Variants in CDC25A observed in about 807,000 individuals in gnomAD.
The protein encoded by CDC25A is cell division cycle 25A.
Under a neutral mutation model 64.6 loss-of-function variants are expected in CDC25A, and 17 were observed. That is an observed-to-expected ratio of 0.26 (90% confidence interval 0.18 to 0.39). The LOEUF (loss-of-function observed/expected upper bound fraction) is 0.39, where lower values mean the gene tolerates loss of function less well. CDC25A is among the 10% of genes least tolerant of loss of function. The pLI is 1.00. For missense variants in CDC25A, 473 were observed against 654.8 expected (o/e 0.72, Z 3.03); for synonymous variants, 229 against 238.6 (o/e 0.96, Z 0.37).
Position 48,174,421 on chromosome 3 carries a change from A to G in CDC25A, c.793T>C (p.Cys265Arg). ...RCKLFDSPSL[C>R]SSSTRSVLKR... ...AACACTGACCGAGTGCTGGAGCTAC[A>G]CAGGGAAGGGGAGTCAAACAGCTTG... The change falls in exon 9 of 15, where the codon TGT (cysteine) becomes CGT (arginine). Residue 265 changes from cysteine to arginine, a missense_variant. Around this residue, in one of 2 missense-constraint regions of CDC25A, gnomAD observed 376 missense variants for 431.9 expected, o/e 0.87. Coordinates refer to ENST00000302506, the MANE Select transcript of CDC25A (RefSeq NM_001789.3). 1.9e-6 allele frequency: 3 copies of G among 1,613,894 alleles called. No homozygotes were observed. In the African/African-American group the frequency reaches 4.0e-5, roughly 22 times the overall value.
chr3:48,176,741 T>A (rs1350176029), intron 8 of CDC25A, among the ~76,000 whole-genome samples: 1 of 150,926 alleles, frequency 6.6e-6, no homozygotes, highest in African/African-American at 2.4e-5. Flanking sequence ...GAGGTCGAGG[T>A]GGGCAGATCA....
intron 5 of CDC25A, among the ~76,000 whole-genome samples, chr3:48,182,102 T>TA (rs2032691715): frequency 1.3e-5 from 2 of 152,126 alleles, no homozygotes; most frequent in African/African-American, 4.8e-5. Context: ...TTTGCCCTGG[T>TA]AAAAAGCACT....
At position 48,157,759 on chromosome 3, in the gene CDC25A, CCCT is replaced by C. The variant is rs2106670117; in HGVS notation, c.*1183_*1185del. On this transcript the variant is annotated 3_prime_UTR_variant, in exon 15 of 15. Transcript: ENST00000302506. ...TTTTACCTTCAAAATCCACCAAGCT[CCCT>C]CCTGAGAAAATTCTATCCAGTCATG... 1 of 152,738 alleles carries C rather than the reference CCCT, an allele frequency of 6.5e-6. No homozygotes were observed. The highest frequency in any genetic ancestry group is 6.5e-5 in the Admixed American group (1 of 15,286). The allele number at this position is 152,738 out of a possible 1,614,324, so 9.5% of individuals were successfully genotyped here.
chr3:48,157,307 A>G lies in CDC25A; in HGVS notation c.*1638T>C, dbSNP rs1266749489. 1 of 152,234 alleles carries G rather than the reference A, an allele frequency of 6.6e-6. No homozygotes were observed. The highest frequency in any genetic ancestry group is 1.5e-5 in the Non-Finnish European group (1 of 68,036). 9.4% of individuals were successfully genotyped at this position (152,234 alleles called of 1,614,324 possible). A position where few individuals can be genotyped will look rare whatever the true frequency, so the allele number is the denominator to read the frequency against. On this transcript the variant is annotated 3_prime_UTR_variant, in exon 15 of 15. Coordinates refer to ENST00000302506, the MANE Select transcript of CDC25A (RefSeq NM_001789.3). ...AACCAACAGAATCTCTTTCTTACAA[A>G]CAATATCATTAACCAGTTGGAATCT...
chr3:48,164,480 CATGAAGT>C, intron 12 of CDC25A, 43 bp from the exon 13 acceptor site: 2 of 1,444,330 alleles, frequency 1.4e-6, no homozygotes, highest in Non-Finnish European at 9.1e-7. Context: ...ACGTTTCACA[CATGAAGT>C]AATGATTCAG....
At position 48,158,083 on chromosome 3, in the gene CDC25A, G is replaced by C. The variant is rs907490230; in HGVS notation, c.*862C>G. ...TGGCCCAACAGATGCTGCCTCAAGTGCTTTCCTGACTGTGGCTCCTATACC... is the reference window on the plus strand; with the variant it reads ...TGGCCCAACAGATGCTGCCTCAAGTCCTTTCCTGACTGTGGCTCCTATACC... On this transcript the variant is annotated 3_prime_UTR_variant, in exon 15 of 15. Transcript: ENST00000302506. The C allele has an allele frequency of 1.3e-5, 2 of 152,194 alleles. No individual in the cohort carries two copies. The highest frequency in any genetic ancestry group is 2.9e-5 in the Non-Finnish European group (2 of 67,984). The allele number at this position is 152,194 out of a possible 1,614,324, so 9.4% of individuals were successfully genotyped here.
intron 13 of CDC25A, among the ~76,000 whole-genome samples, chr3:48,162,266 TTGTGTGTGTGTGTGTG>T (rs35591959): frequency 1.4e-5 from 2 of 144,692 alleles, no homozygotes; most frequent in Admixed American, 7.0e-5. Context: ...AGTATAACCT[TTGTGTGTGTGTGTGTG>T]TGTGTGTGTG....
chr3:48,163,767 A>T (rs1051534015), intron 13 of CDC25A, among the ~76,000 whole-genome samples: 2 of 152,170 alleles, frequency 1.3e-5, no homozygotes, highest in Non-Finnish European at 2.9e-5. Context: ...CCTAGCATTT[A>T]TACGGATCCC....
intron 6 of CDC25A, among the ~76,000 whole-genome samples, chr3:48,178,450 C>T (rs920382561): frequency 6.6e-6 from 1 of 152,198 alleles, no homozygotes; most frequent in Non-Finnish European, 1.5e-5. Flanking sequence ...AGGGTAACTT[C>T]CTTCTATAAA....
In CDC25A at chr3:48,177,998, A is replaced by G. The variant is rs766468519; in HGVS notation, c.550-10T>C. The stretch of plus-strand genomic sequence containing the variant: ...TTTCATTTGAGGAAAGCTGTAAGAC[A>G]AAATTCATGGATTAATAATGAGAGC... On this transcript the variant is annotated splice_polypyrimidine_tract_variant and intron_variant, in intron 6 of 14. Coordinates refer to ENST00000302506, the MANE Select transcript of CDC25A (RefSeq NM_001789.3). 6.2e-7 allele frequency: 1 copy of G among 1,602,358 alleles called. No homozygotes were observed.
At position 48,174,274 on chromosome 3, in the gene CDC25A, G is replaced by C. The variant is rs2032373487; in HGVS notation, c.930+10C>G. ...CTGTGCTAGAGCAAAAAGGAACCTA[G>C]GAAACTAACCTCATGGGCCTTCTCT... is the stretch of plus-strand genomic sequence containing the variant. On this transcript the variant is annotated intron_variant, in intron 9 of 14. Transcript: ENST00000302506. The C allele has an allele frequency of 1.2e-6, 2 of 1,600,584 alleles. No homozygotes were observed. The highest frequency in any genetic ancestry group is 1.7e-6 in the Non-Finnish European group (2 of 1,176,186).
intron 13 of CDC25A, among the ~76,000 whole-genome samples, chr3:48,160,363 C>A (rs1234197665): frequency 6.7e-6 from 1 of 150,020 alleles, no homozygotes; most frequent in Non-Finnish European, 1.5e-5. Context: ...CCTGCCTTGG[C>A]CTCCCAAAGT....
At chr3:48,173,470 A>G (rs2032342448) in intron 9 of CDC25A, among the ~76,000 whole-genome samples, 1 of 152,206 alleles carries the variant, frequency 6.6e-6, no homozygotes, top group Non-Finnish European at 1.5e-5. Flanking sequence ...CCCCAAGAAA[A>G]GCCTGCTCTC....
At chr3:48,173,747 G>A (rs769042702) in intron 9 of CDC25A, among the ~76,000 whole-genome samples, 26 of 152,132 alleles carry the variant, frequency 1.7e-4, no homozygotes, top group Non-Finnish European at 2.9e-4. Flanking sequence ...CAGTATCAGA[G>A]GAAGCCTGCT....
Position 48,187,865 on chromosome 3 carries a change from T to C in CDC25A, c.83A>G (p.Lys28Arg), listed in dbSNP as rs2106775266. 2 of 1,548,334 alleles carry C rather than the reference T, an allele frequency of 1.3e-6. No individual in the cohort carries two copies. The highest frequency in any genetic ancestry group is 2.5e-5 in the East Asian group (1 of 40,504). ...GGCGGCTGAAGCGCCAAATAGCGCC[T>C]TCACGACGGGCTGCGACGCGGGAGG... is the stretch of plus-strand genomic sequence containing the variant. ...SPPPASQPVV[K>R]ALFGASAAGG... Residue 28 changes from lysine (K) to arginine (R), a missense_variant, in exon 1 of 15, where the codon AAG (lysine) becomes AGG (arginine). Lys to Arg is a conservative substitution (Grantham distance 26). Around this residue, in one of 2 missense-constraint regions of CDC25A, gnomAD observed 376 missense variants for 431.9 expected, o/e 0.87. Transcript: ENST00000302506.
intron 5 of CDC25A, among the ~76,000 whole-genome samples, chr3:48,181,113 T>A (rs1054409509): frequency 7.9e-5 from 12 of 152,164 alleles, no homozygotes; most frequent in Non-Finnish European, 1.8e-4. Flanking sequence ...ATCACAAACT[T>A]TCTGAAATCT....
At position 48,180,968 on chromosome 3, in the gene CDC25A, A is replaced by G. The variant is rs6763010; in HGVS notation, c.430-128T>C. On this transcript the variant is annotated intron_variant, in intron 5 of 14. Coordinates refer to ENST00000302506, the MANE Select transcript of CDC25A (RefSeq NM_001789.3). ...CAAATTAAAGTTTCACCTAATTCCA[A>G]CAATAGATCTGCGTAACTAAGAATT... is the stretch of plus-strand genomic sequence containing the variant. 5,237 of 775,012 alleles carry G rather than the reference A, an allele frequency of 6.8e-3. 157 individuals carry two copies. In the African/African-American group the frequency reaches 0.07, roughly 10 times the overall value. 48.0% of individuals were successfully genotyped at this position (775,012 alleles called of 1,614,324 possible). A position where few individuals can be genotyped will look rare whatever the true frequency, so the allele number is the denominator to read the frequency against.
rs2032099504 is a variant in CDC25A at position 48,167,982 on chromosome 3, C to G, written c.931-38G>C. The G allele has an allele frequency of 2.4e-6, 3 of 1,246,640 alleles. No individual in the cohort carries two copies. The South Asian group carries it at 3.6e-5, about 15-fold the overall frequency. 77.2% of individuals were successfully genotyped at this position (1,246,640 alleles called of 1,614,324 possible). A position where few individuals can be genotyped will look rare whatever the true frequency, so the allele number is the denominator to read the frequency against. On this transcript the variant is annotated intron_variant, in intron 9 of 14. Coordinates refer to ENST00000302506, the MANE Select transcript of CDC25A (RefSeq NM_001789.3). The stretch of plus-strand genomic sequence containing the variant: ...AAAGGTAGAGAATGAGACAAGGGTT[C>G]TGAATGGAACTTCCGAAAACATTCA...
chr3:48,187,650 G>T, intron 1 of CDC25A, 128 bp downstream of exon 1: 1 of 928,776 alleles, frequency 1.1e-6, no homozygotes, highest in Non-Finnish European at 1.5e-6. Flanking sequence ...CCCTAGCCCG[G>T]CTGTCCCCGA....
Sources: allele counts gnomAD v4.1 joint callset (sites outside exome capture counted in the v4.1 genomes callset), GRCh38; gene constraint gnomAD v4.1.1; regional missense constraint gnomAD v4.1.1; transcripts MANE v1.5; gene names NCBI Gene and HGNC (gene_info 2026-07-23, HGNC 2026-07-21).